STAG2: variants seen among roughly 807,000 people sequenced by gnomAD.
The protein encoded by STAG2 is STAG2 cohesin complex component.
A neutral mutation model predicts 108.1 loss-of-function variants in STAG2; 14 were observed. The observed-to-expected ratio is 0.13, with a 90% CI of 0.09 to 0.20. The LOEUF is 0.20. Ranked by LOEUF, STAG2 falls within the 10% of genes least tolerant of loss-of-function variation. STAG2 has a pLI of 1.00. For missense variants in STAG2, 440 were observed against 940.9 expected (o/e 0.47, Z 6.96); for synonymous variants, 307 against 302.7 (o/e 1.01, Z -0.15).
chrX:124,019,052 C>CTT lies in STAG2; in HGVS notation c.-162-2294_-162-2293dup, dbSNP rs751161706. ...ACTCGGATACATGGAATTTAGCACTCTTTTTTTTTTTTTTTTTTTTTTATT... is the reference window on the plus strand; with the variant it reads ...ACTCGGATACATGGAATTTAGCACTCTTTTTTTTTTTTTTTTTTTTTTTTATT... On this transcript the variant is annotated intron_variant, in intron 1 of 34. Transcript: ENST00000371145. Among the ~76,000 whole-genome samples, 492 of 79,847 alleles carry CTT rather than the reference C, an allele frequency of 6.2e-3. 9 individuals carry two copies. The highest frequency in any genetic ancestry group is 0.018 in the African/African-American group (349 of 19,482). The allele number at this position is 79,847 out of a possible 115,157, so 69.3% of individuals were successfully genotyped here.
chrX:124,053,662 A>G (rs1037168522), intron 13 of STAG2, among the ~76,000 whole-genome samples: 1 of 111,917 alleles, frequency 8.9e-6, no homozygotes, highest in Non-Finnish European at 1.9e-5. Context: ...CAGAATAAAA[A>G]TAGAGATGAA....
chrX:124,092,460 A>G (rs919631645), intron 32 of STAG2, among the ~76,000 whole-genome samples: 1 of 111,895 alleles, frequency 8.9e-6, no homozygotes. Context: ...CATTTGGTCT[A>G]TATCTCTCCC....
chrX:123,983,017 C>T (rs769694187), intron 1 of STAG2, among the ~76,000 whole-genome samples: 18 of 111,434 alleles, frequency 1.6e-4, no homozygotes, highest in African/African-American at 5.5e-4. Context: ...TGCTGTGATA[C>T]GTGGTAACCA....
Position 124,056,296 on chromosome X carries a change from T to C in STAG2, c.1304+61T>C, listed in dbSNP as rs1369903195. On this transcript the variant is annotated intron_variant, in intron 14 of 34. Coordinates refer to ENST00000371145, the MANE Select transcript of STAG2 (RefSeq NM_001042750.2). ...ATACTTTCATAACAGTAATTTGTTA[T>C]GTTATACTTGACATTAAGATTATAT... is the stretch of plus-strand genomic sequence containing the variant. 4 of 758,537 alleles carry C rather than the reference T, an allele frequency of 5.3e-6. No individual in the cohort carries two copies. In the African/African-American group the frequency reaches 6.2e-5, roughly 12 times the overall value. 62.5% of individuals were successfully genotyped at this position (758,537 alleles called of 1,213,427 possible). A position where few individuals can be genotyped will look rare whatever the true frequency, so the allele number is the denominator to read the frequency against.
At chrX:123,983,441 T>C (rs2054987334) in intron 1 of STAG2, among the ~76,000 whole-genome samples, 1 of 110,980 alleles carries the variant, frequency 9.0e-6, no homozygotes, top group South Asian at 3.8e-4. Context: ...TGAGTTCAAG[T>C]GTTTTGTAAA....
chrX:124,017,953 C>A (rs2056788157), intron 1 of STAG2, among the ~76,000 whole-genome samples: 1 of 111,932 alleles, frequency 8.9e-6, no homozygotes, highest in Non-Finnish European at 1.9e-5. Context: ...AATGGCAGCT[C>A]ACTATACATG....
chrX:124,083,206 T>TTGTGTG (rs199790131), intron 28 of STAG2, among the ~76,000 whole-genome samples: 6 of 107,044 alleles, frequency 5.6e-5, no homozygotes, highest in Admixed American at 1.0e-4. Flanking sequence ...GTGTGTGTGT[T>TTGTGTG]TGTGTGTGTG....
intron 1 of STAG2, among the ~76,000 whole-genome samples, chrX:123,969,952 G>GTTTTTT (rs749744551): frequency 5.1e-5 from 2 of 39,158 alleles, no homozygotes; most frequent in African/African-American, 1.1e-4. Flanking sequence ...CGGTCTTCCT[G>GTTTTTT]TTTTTTTTTT....
At position 124,100,617 on chromosome X, in the gene STAG2, CTG is replaced by C. The variant is rs750002961; in HGVS notation, c.*23_*24del. The C allele has an allele frequency of 1.4e-4, 166 of 1,162,383 alleles. No individual in the cohort carries two copies. The African/African-American group carries it at 2.7e-3, about 19-fold the overall frequency. On this transcript the variant is annotated 3_prime_UTR_variant, in exon 35 of 35. Transcript: ENST00000371145. The stretch of plus-strand genomic sequence containing the variant: ...TTTTAATACCAGTACACAATTAAAT[CTG>C]TGGTGAAGTCATTTTCTAAGTGGAA...
chrX:124,071,970 C>T lies in STAG2; in HGVS notation c.2533+647C>T, dbSNP rs2058675306. 4.5e-5 allele frequency among the ~76,000 whole-genome samples: 5 copies of T among 111,182 alleles called. No individual in the cohort carries two copies. In the South Asian group the frequency reaches 1.1e-3, roughly 25 times the overall value. The stretch of plus-strand genomic sequence containing the variant: ...GTTATGGAAAAGAAGTGATATTTGG[C>T]GGCATCTTTCTGGGTTTGTTTTTAG... On this transcript the variant is annotated intron_variant, in intron 25 of 34. Transcript: ENST00000371145.
intron 5 of STAG2, among the ~76,000 whole-genome samples, chrX:124,035,036 A>T (rs1241038224): frequency 9.1e-6 from 1 of 110,106 alleles, no homozygotes; most frequent in Non-Finnish European, 1.9e-5. Flanking sequence ...AGCTGGGATT[A>T]CAGGTGCATG....
chrX:123,983,974 C>CTTTTTTTTTTTTTTTTTTT lies in STAG2; in HGVS notation c.-163+22121_-163+22139dup, dbSNP rs199881082. ...AAAAAGAATAATTTTCTTTTCTTTT[C>CTTTTTTTTTTTTTTTTTTT]TTTTTTTTTTTTTTTTTTTTTGAGA... On this transcript the variant is annotated intron_variant, in intron 1 of 34. Coordinates refer to ENST00000371145, the MANE Select transcript of STAG2 (RefSeq NM_001042750.2). Among the ~76,000 whole-genome samples the CTTTTTTTTTTTTTTTTTTT allele has an allele frequency of 7.8e-4, 48 of 61,455 alleles. 4 individuals are homozygous for CTTTTTTTTTTTTTTTTTTT. Among genetic ancestry groups the CTTTTTTTTTTTTTTTTTTT allele is most frequent in the African/African-American group, 2.7e-3 (30 of 10,962 alleles). The allele number at this position is 61,455 out of a possible 115,157, so 53.4% of individuals were successfully genotyped here.
chrX:123,963,181 T>C (rs1286581858), intron 1 of STAG2: 1 of 111,670 alleles, frequency 9.0e-6, no homozygotes, highest in Non-Finnish European at 1.9e-5. Context: ...TTCCTGGCTC[T>C]AGCAGGGCCT....
At chrX:124,087,415 C>G (rs1402057284) in intron 30 of STAG2, among the ~76,000 whole-genome samples, 1 of 111,442 alleles carries the variant, frequency 9.0e-6, no homozygotes, top group East Asian at 2.8e-4. Flanking sequence ...AGCAAATTAC[C>G]TCAAAACTTA....
intron 4 of STAG2, among the ~76,000 whole-genome samples, chrX:124,028,822 A>ATTTTTTT (rs767163177): frequency 5.1e-5 from 2 of 38,972 alleles, no homozygotes; most frequent in Admixed American, 2.8e-4. Flanking sequence ...ATATATATAT[A>ATTTTTTT]TTTTTTTTTT....
chrX:124,017,562 A>G (rs1229120233), intron 1 of STAG2, among the ~76,000 whole-genome samples: 6 of 111,591 alleles, frequency 5.4e-5, no homozygotes, highest in Non-Finnish European at 9.4e-5. Context: ...AAAAAATTAA[A>G]TCATATCAAA....
intron 1 of STAG2, among the ~76,000 whole-genome samples, chrX:124,015,532 ATGC>A (rs2056691218): frequency 9.2e-6 from 1 of 108,580 alleles, no homozygotes; most frequent in Non-Finnish European, 1.9e-5. Flanking sequence ...TTACAGGTGC[ATGC>A]CACCATGCCC....
At chrX:123,968,387 T>C (rs1256819397) in intron 1 of STAG2, among the ~76,000 whole-genome samples, 2 of 112,173 alleles carry the variant, frequency 1.8e-5, no homozygotes, top group Non-Finnish European at 3.8e-5. Context: ...TGGCTGGGCG[T>C]GGTGACTCAC....
intron 1 of STAG2, among the ~76,000 whole-genome samples, chrX:124,008,888 C>T (rs1228896179): frequency 2.7e-5 from 3 of 111,184 alleles, no homozygotes; most frequent in African/African-American, 6.6e-5. Context: ...AATTATAACA[C>T]ATTTTTTTTT....
Sources: allele counts gnomAD v4.1 joint callset (sites outside exome capture counted in the v4.1 genomes callset), GRCh38; gene constraint gnomAD v4.1.1; transcripts MANE v1.5; gene names NCBI Gene and HGNC (gene_info 2026-07-23, HGNC 2026-07-21).